FBN1: variants seen among roughly 807,000 people sequenced by gnomAD.
FBN1 encodes the protein fibrillin 1, also known as fibrillin-1.
In FBN1, 29 loss-of-function variants were observed where a neutral mutation model predicts 365.1. The ratio of observed to expected loss-of-function variants is 0.08; its 90% confidence interval spans 0.06 to 0.11. The LOEUF (loss-of-function observed/expected upper bound fraction) is 0.11. FBN1 is among the 10% of genes least tolerant of loss of function. The probability of loss-of-function intolerance (pLI) is 1.00; values close to 1 mark genes in which losing one functional copy is unlikely to be tolerated. For missense variants in FBN1, 2,476 were observed against 3,703.2 expected (o/e 0.67, Z 8.60); for synonymous variants, 1,210 against 1,270.5 (o/e 0.95, Z 1.01).
At chr15:48,520,532 C>A (rs1051596332) in intron 10 of FBN1, 127 bp downstream of exon 10, 21 of 1,100,506 alleles carry the variant, frequency 1.9e-5, no homozygotes, top group African/African-American at 3.2e-5. Flanking sequence ...CCCTGGACGT[C>A]ATCTCTTATA....
intron 32 of FBN1, chr15:48,476,825 C>T (rs1199989041): frequency 1.6e-5 from 2 of 123,372 alleles, no homozygotes; most frequent in East Asian, 2.6e-4. Flanking sequence ...GATGGGGTAT[C>T]ACCATGTTGG....
chr15:48,536,483 C>T (rs1200493323), intron 7 of FBN1, among the ~76,000 whole-genome samples: 1 of 152,098 alleles, frequency 6.6e-6, no homozygotes, highest in African/African-American at 2.4e-5. Flanking sequence ...CCAAGATGAA[C>T]AAATTCTTCA....
intron 6 of FBN1, among the ~76,000 whole-genome samples, chr15:48,550,943 T>C (rs1441355046): frequency 6.6e-6 from 1 of 151,292 alleles, no homozygotes; most frequent in Non-Finnish European, 1.5e-5. Flanking sequence ...CATGGGCCCA[T>C]AATAAGCACT....
intron 6 of FBN1, among the ~76,000 whole-genome samples, chr15:48,551,591 T>A (rs2044142596): frequency 6.6e-6 from 1 of 151,636 alleles, no homozygotes; most frequent in South Asian, 2.1e-4. Context: ...GTCAAGGGGG[T>A]TCGTTGTGCA....
chr15:48,489,518 T>A (rs2043537829), intron 25 of FBN1, among the ~76,000 whole-genome samples: 1 of 152,080 alleles, frequency 6.6e-6, no homozygotes. Context: ...AGATTAAATC[T>A]CCAGAACACC....
intron 6 of FBN1, among the ~76,000 whole-genome samples, chr15:48,575,468 T>G (rs1421341682): frequency 6.6e-6 from 1 of 152,142 alleles, no homozygotes; most frequent in African/African-American, 2.4e-5. Context: ...TTGTACCCAA[T>G]AGGTAATTTT....
rs73396357 is a variant in FBN1 at position 48,625,521 on chromosome 15, C to G, written c.165-12429G>C. 6.4e-3 allele frequency among the ~76,000 whole-genome samples: 968 copies of G among 152,208 alleles called. 10 individuals carry two copies. The highest frequency in any genetic ancestry group is 0.023 in the African/African-American group (945 of 41,472). ...CAGGCTTGACACCCTTCTGGACCCC[C>G]TGCATGAGACCATCAGGGCCAATAC... On this transcript the variant is annotated intron_variant, in intron 2 of 65. Coordinates refer to ENST00000316623, the MANE Select transcript of FBN1 (RefSeq NM_000138.5).
intron 6 of FBN1, among the ~76,000 whole-genome samples, chr15:48,580,090 C>G (rs1449845826): frequency 2.0e-5 from 3 of 152,008 alleles, no homozygotes; most frequent in Non-Finnish European, 4.4e-5. Flanking sequence ...CTCAATCCAG[C>G]CTCTTAGTTT....
intron 32 of FBN1, among the ~76,000 whole-genome samples, chr15:48,480,833 C>A (rs1004176390): frequency 2.0e-5 from 3 of 152,146 alleles, no homozygotes; most frequent in African/African-American, 7.2e-5. Context: ...TTCAAGCTCA[C>A]CATGGTTTCC....
At chr15:48,543,798 A>G (rs1229790706) in intron 6 of FBN1, among the ~76,000 whole-genome samples, 2 of 152,216 alleles carry the variant, frequency 1.3e-5, no homozygotes, top group African/African-American at 4.8e-5. Flanking sequence ...ATACTACATG[A>G]CACTGCAGAA....
chr15:48,428,268 T>C, intron 57 of FBN1, 78 bp downstream of exon 57: 1 of 1,554,368 alleles, frequency 6.4e-7, no homozygotes, highest in South Asian at 1.1e-5. Context: ...TTTCTTGTAT[T>C]TTAAATAAGA....
At chr15:48,461,034 G>T (rs1034458895) in intron 42 of FBN1, among the ~76,000 whole-genome samples, 2 of 152,168 alleles carry the variant, frequency 1.3e-5, no homozygotes, top group Admixed American at 6.5e-5. Context: ...CTAAGCTTCA[G>T]ATGGCCATTG....
At position 48,495,134 on chromosome 15, in the gene FBN1, A is replaced by T. The variant is rs1393818056; in HGVS notation, c.2666T>A (p.Leu889Gln). 3 of 1,614,022 alleles carry T rather than the reference A, an allele frequency of 1.9e-6. No individual in the cohort carries two copies. In the Admixed American group the frequency reaches 5.0e-5, roughly 27 times the overall value. Residue 889 changes from leucine to glutamine, a missense_variant, in exon 22 of 66, where the codon CTA (leucine) becomes CAA (glutamine). Leu to Gln is a moderately radical substitution (Grantham distance 113). This residue lies in a region of FBN1 where 1,780 missense variants were observed against 2,840.8 expected (regional missense o/e 0.63). Coordinates refer to ENST00000316623, the MANE Select transcript of FBN1 (RefSeq NM_000138.5). The stretch of plus-strand genomic sequence containing the variant: ...TGGGTTTCTCTTACCAACTTGGCAT[A>T]GGGTGCACGGGCTTCCCCACGCAGC... ...LGAAWGSPCTLCQVDPICGKG... is the reference protein window; with the variant it reads ...LGAAWGSPCTQCQVDPICGKG...
intron 6 of FBN1, among the ~76,000 whole-genome samples, chr15:48,576,640 T>C (rs540165011): frequency 3.9e-5 from 6 of 152,312 alleles, no homozygotes; most frequent in Admixed American, 2.0e-4. Context: ...AATGACACCA[T>C]TGATGCACTC....
chr15:48,420,602 C>G (rs1480131086), intron 63 of FBN1, 85 bp downstream of exon 63: 1 of 1,557,754 alleles, frequency 6.4e-7, no homozygotes, highest in Non-Finnish European at 8.8e-7. Flanking sequence ...TTCAATAACA[C>G]ATTTACAGCT....
At chr15:48,440,191 A>G in intron 50 of FBN1, among the ~76,000 whole-genome samples, 1 of 152,190 alleles carries the variant, frequency 6.6e-6, no homozygotes, top group East Asian at 1.9e-4. Context: ...ATCTGCAAAG[A>G]GCCCTTAATG....
intron 13 of FBN1, 145 bp downstream of exon 13, chr15:48,513,403 CA>C: frequency 1.9e-6 from 2 of 1,057,856 alleles, no homozygotes; most frequent in East Asian, 2.4e-5. Flanking sequence ...TTCAGAATGA[CA>C]ATAGGTGGAA....
chr15:48,520,064 C>G (rs553517860), intron 10 of FBN1, among the ~76,000 whole-genome samples: 2 of 152,050 alleles, frequency 1.3e-5, no homozygotes, highest in East Asian at 3.8e-4. Flanking sequence ...TCCTTTTTCT[C>G]CCCTAGACAC....
chr15:48,466,836 C>T (rs967292055), intron 38 of FBN1, among the ~76,000 whole-genome samples: 1 of 152,066 alleles, frequency 6.6e-6, no homozygotes, highest in African/African-American at 2.4e-5. Flanking sequence ...TTTCTGCAAT[C>T]ATCCATACTT....
Sources: allele counts gnomAD v4.1 joint callset (sites outside exome capture counted in the v4.1 genomes callset), GRCh38; gene constraint gnomAD v4.1.1; regional missense constraint gnomAD v4.1.1; transcripts MANE v1.5; gene names NCBI Gene and HGNC (gene_info 2026-07-23, HGNC 2026-07-21).